The following FOXK2 variants were observed in gnomAD, a reference collection of about 807,000 sequenced individuals.
FOXK2 encodes the protein forkhead box protein K2.
Under a neutral mutation model 53.3 loss-of-function variants are expected in FOXK2, and 24 were observed. That is an observed-to-expected ratio of 0.45 (90% CI 0.33 to 0.63). The LOEUF (loss-of-function observed/expected upper bound fraction) is 0.63. Among genes scored for constraint, FOXK2 ranks in the 30% least tolerant of loss-of-function variants. FOXK2 has a pLI of 0.03. For synonymous variants in FOXK2, 505 were observed against 407.1 expected, an observed-to-expected ratio of 1.24 and a Z score of -2.89; for missense variants, 952 against 910.5, an observed-to-expected ratio of 1.05 and a Z score of -0.59.
intron 3 of FOXK2, among the ~76,000 whole-genome samples, chr17:82,569,364 C>T (rs1366561901): frequency 6.6e-6 from 1 of 152,202 alleles, no homozygotes; most frequent in East Asian, 1.9e-4. Context: ...TTGGACAGAT[C>T]TAAGTTGTAT....
At chr17:82,558,509 C>T (rs577604701) in intron 1 of FOXK2, among the ~76,000 whole-genome samples, 3 of 152,180 alleles carry the variant, frequency 2.0e-5, no homozygotes, top group African/African-American at 4.8e-5. Flanking sequence ...GAGAAGCAGA[C>T]GAAACACTAA....
intron 4 of FOXK2, among the ~76,000 whole-genome samples, chr17:82,573,558 TCTCTCACACACACACACACACACA>T (rs1288163348): frequency 1.2e-4 from 11 of 90,726 alleles, no homozygotes; most frequent in African/African-American, 5.0e-4. Flanking sequence ...TCTCTCTCTC[TCTCTCACACACACACACACACACA>T]CACACACACA....
At chr17:82,561,080 A>G (rs1247472782) in intron 1 of FOXK2, among the ~76,000 whole-genome samples, 1 of 152,220 alleles carries the variant, frequency 6.6e-6, no homozygotes, top group East Asian at 1.9e-4. Context: ...GTGAACAAGC[A>G]AAGAAGGTGG....
At chr17:82,555,055 A>T (rs1160079101) in intron 1 of FOXK2, among the ~76,000 whole-genome samples, 1 of 152,078 alleles carries the variant, frequency 6.6e-6, no homozygotes, top group Non-Finnish European at 1.5e-5. Flanking sequence ...AGCCCCAAAT[A>T]AAGTACTTTT....
chr17:82,573,017 C>T (rs964346665), intron 4 of FOXK2, among the ~76,000 whole-genome samples: 2 of 151,920 alleles, frequency 1.3e-5, no homozygotes, highest in Non-Finnish European at 2.9e-5. Context: ...ATGGCGAGAC[C>T]CTGTCTCTAC....
intron 1 of FOXK2, among the ~76,000 whole-genome samples, chr17:82,529,917 A>G (rs1179441438): frequency 6.6e-6 from 1 of 152,208 alleles, no homozygotes; most frequent in Non-Finnish European, 1.5e-5. Flanking sequence ...GCTGATACAG[A>G]TATTCTGAGA....
At chr17:82,544,191 G>A (rs1346749454) in intron 1 of FOXK2, among the ~76,000 whole-genome samples, 2 of 152,144 alleles carry the variant, frequency 1.3e-5, no homozygotes, top group African/African-American at 4.8e-5. Flanking sequence ...GGGATTATAG[G>A]CGTGAGCCAC....
chr17:82,589,098 T>C (rs2045228628), intron 8 of FOXK2, among the ~76,000 whole-genome samples: 1 of 152,038 alleles, frequency 6.6e-6, no homozygotes, highest in Non-Finnish European at 1.5e-5. Flanking sequence ...TGTATTTAAG[T>C]TATCTGGAAT....
At chr17:82,530,892 T>C in intron 1 of FOXK2, among the ~76,000 whole-genome samples, 1 of 152,202 alleles carries the variant, frequency 6.6e-6, no homozygotes, top group East Asian at 1.9e-4. Context: ...ATATAGAGAA[T>C]GTTTTAAAAA....
intron 8 of FOXK2, chr17:82,587,530 T>C (rs187151303): frequency 2.8e-4 from 137 of 495,846 alleles, no homozygotes; most frequent in African/African-American, 2.3e-3. Flanking sequence ...TCTCGCCTCT[T>C]GTAGATTTCC....
In FOXK2 at chr17:82,564,323, G is replaced by A. The variant is rs191117309; in HGVS notation, c.614+775G>A. On this transcript the variant is annotated intron_variant, in intron 2 of 8. Transcript: ENST00000335255. ...AGGCTGATCTCAAACTCCTGACCTCGTCATCCACCTCCCAAAGTGCTGGGA... is the reference window on the plus strand; with the variant it reads ...AGGCTGATCTCAAACTCCTGACCTCATCATCCACCTCCCAAAGTGCTGGGA... Among the ~76,000 whole-genome samples, 9 of 151,874 alleles carry A rather than the reference G, an allele frequency of 5.9e-5. No homozygotes were observed. In the East Asian group the frequency reaches 1.2e-3, roughly 20 times the overall value.
At chr17:82,596,058 C>A in intron 8 of FOXK2, 3 of 1,106,382 alleles carry the variant, frequency 2.7e-6, no homozygotes, top group Non-Finnish European at 3.3e-6. Context: ...GCAGTGGCCC[C>A]GGCTGTCTGC....
At chr17:82,583,861 C>T (rs527478697) in intron 5 of FOXK2, 152 bp from the exon 6 acceptor site, 12 of 766,024 alleles carry the variant, frequency 1.6e-5, no homozygotes, top group Middle Eastern at 3.4e-4. Flanking sequence ...AGTTCACAGG[C>T]GTAGGCGTGC....
At chr17:82,554,411 C>A (rs1341292329) in intron 1 of FOXK2, among the ~76,000 whole-genome samples, 2 of 152,136 alleles carry the variant, frequency 1.3e-5, no homozygotes, top group African/African-American at 4.8e-5. Flanking sequence ...CTGCACGTTG[C>A]ATTTGTAATA....
Position 82,542,384 on chromosome 17 carries a change from C to T in FOXK2, c.420-20970C>T, listed in dbSNP as rs192588713. On this transcript the variant is annotated intron_variant, in intron 1 of 8. Coordinates refer to ENST00000335255, the MANE Select transcript of FOXK2 (RefSeq NM_004514.4). The stretch of plus-strand genomic sequence containing the variant: ...TTCACCATGTTGGCCAGGCTGGTCT[C>T]GAACTCCTGAACTCAGGTGATCCGC... Among the ~76,000 whole-genome samples, 5 of 151,994 alleles carry T rather than the reference C, an allele frequency of 3.3e-5. No individual in the cohort carries two copies. In the East Asian group the frequency reaches 9.6e-4, roughly 29 times the overall value.
chr17:82,553,972 T>C (rs1322790186), intron 1 of FOXK2, among the ~76,000 whole-genome samples: 1 of 152,134 alleles, frequency 6.6e-6, no homozygotes, highest in Non-Finnish European at 1.5e-5. Flanking sequence ...TATTTGGGAC[T>C]ACAGGCGCCC....
At chr17:82,567,116 A>G (rs1222219100) in intron 2 of FOXK2, among the ~76,000 whole-genome samples, 1 of 150,130 alleles carries the variant, frequency 6.7e-6, no homozygotes, top group Non-Finnish European at 1.5e-5. Flanking sequence ...CCTCCCCCCC[A>G]CCTCTCCATC....
chr17:82,550,595 C>T (rs576254673), intron 1 of FOXK2, among the ~76,000 whole-genome samples: 29 of 151,798 alleles, frequency 1.9e-4, no homozygotes, highest in African/African-American at 5.3e-4. Flanking sequence ...CTCCGCCTCC[C>T]GGGTTCACGC....
At chr17:82,535,349 T>G (rs1191284092) in intron 1 of FOXK2, among the ~76,000 whole-genome samples, 1 of 152,262 alleles carries the variant, frequency 6.6e-6, no homozygotes, top group Non-Finnish European at 1.5e-5. Context: ...TTGTTGAGCT[T>G]CTTGGATTTG....
Sources: gnomAD v4.1 joint callset for allele counts (sites outside exome capture counted in the v4.1 genomes callset) on GRCh38, gnomAD v4.1.1 for gene constraint, MANE v1.5 for transcripts, NCBI Gene and HGNC (gene_info 2026-07-23, HGNC 2026-07-21) for gene names.